The following FANCI variants were observed in gnomAD, a reference collection of about 807,000 sequenced individuals.
FANCI encodes the protein FA complementation group I, also known as Fanconi anemia group I protein.
In FANCI, 156 loss-of-function variants were observed where a neutral mutation model predicts 176.1. The observed-to-expected ratio is 0.89, with a 90% CI of 0.78 to 1.01. The LOEUF (loss-of-function observed/expected upper bound fraction) is 1.01. FANCI is among the 50% of genes least tolerant of loss of function. The probability of loss-of-function intolerance (pLI) is 0.00; values close to 1 mark genes in which losing one functional copy is unlikely to be tolerated. For missense variants in FANCI, 1,678 were observed against 1,534.1 expected (o/e 1.09, Z -1.57); for synonymous variants, 613 against 541.7 (o/e 1.13, Z -1.83).
rs190895557 is a variant in FANCI at position 89,278,879 on chromosome 15, G to C, written c.1381+105G>C. ...AAATTTTAATGAGCATTTAAATGCA[G>C]TATCTTTGATAGGATGCCAATAAAG... On this transcript the variant is annotated intron_variant, in intron 14 of 37. Transcript: ENST00000310775. 1,003 of 810,928 alleles carry C rather than the reference G, an allele frequency of 1.2e-3. 14 individuals carry two copies. The Admixed American group carries it at 0.019, about 15-fold the overall frequency. 50.2% of individuals were successfully genotyped at this position (810,928 alleles called of 1,614,324 possible). A position where few individuals can be genotyped will look rare whatever the true frequency, so the allele number is the denominator to read the frequency against.
At chr15:89,287,153 T>A (rs910442702) in intron 18 of FANCI, among the ~76,000 whole-genome samples, 2 of 152,100 alleles carry the variant, frequency 1.3e-5, no homozygotes, top group Non-Finnish European at 2.9e-5. Context: ...TTTGTATTTT[T>A]AGTAGAGACT....
chr15:89,285,075 AT>A lies in FANCI; in HGVS notation c.1699-19del. 6.2e-7 allele frequency: 1 copy of A among 1,613,870 alleles called. No homozygotes were observed. Among genetic ancestry groups the A allele is most frequent in the Non-Finnish European group, 8.5e-7 (1 of 1,179,852 alleles). On this transcript the variant is annotated intron_variant, in intron 17 of 37. Transcript: ENST00000310775. ...AACAGCTTTGGTAAGATAGACGTGA[AT>A]TGGCCTGTCTTCCTTTCAGGTTCAT... is the stretch of plus-strand genomic sequence containing the variant.
At chr15:89,283,023 CTTCA>C (rs909678767) in intron 16 of FANCI, 109 bp from the exon 17 acceptor site, 15 of 1,031,046 alleles carry the variant, frequency 1.5e-5, no homozygotes, top group Non-Finnish European at 1.7e-5. Context: ...TTGCTCTACG[CTTCA>C]TTGTTTATAC....
chr15:89,302,728 A>T (rs905084468), intron 27 of FANCI, among the ~76,000 whole-genome samples: 1 of 151,872 alleles, frequency 6.6e-6, no homozygotes, highest in Non-Finnish European at 1.5e-5. Flanking sequence ...CGCCTGCCAC[A>T]ACACCCGGCT....
rs1157910630 is a variant in FANCI, at chr15:89,274,599, CTTTTT to C, written c.1112+314_1112+318del. On this transcript the variant is annotated intron_variant, in intron 12 of 37. Transcript: ENST00000310775. ...TCTCTATTTTCCTTTTCTTTCTTTCCTTTTTTTTTTTTTTTTTTTTTTTGAGACAG... is the reference window on the plus strand; with the variant it reads ...TCTCTATTTTCCTTTTCTTTCTTTCCTTTTTTTTTTTTTTTTTTGAGACAG... Among the ~76,000 whole-genome samples the C allele has an allele frequency of 1.2e-3, 96 of 82,830 alleles. No homozygotes were observed. In the Admixed American group the frequency reaches 0.013, roughly 11 times the overall value. 54.3% of individuals were successfully genotyped at this position (82,830 alleles called of 152,430 possible). A position where few individuals can be genotyped will look rare whatever the true frequency, so the allele number is the denominator to read the frequency against.
At position 89,306,156 on chromosome 15, in the gene FANCI, T is replaced by G. The variant is rs61744917; in HGVS notation, c.3499T>G (p.Cys1167Gly). The change falls in exon 32 of 38, where the codon TGC (cysteine) becomes GGC (glycine). Residue 1167 changes from cysteine (C) to glycine (G), a missense_variant. By Grantham distance (159) the Cys-to-Gly change is radical. Coordinates refer to ENST00000310775, the MANE Select transcript of FANCI (RefSeq NM_001113378.2). ...TGTGGACACCTTGTTAAAGGACTTG[T>G]GCAAAATGTACACCACACTTACAGC... ...SCVDTLLKDL[C>G]KMYTTLTALV... is the part of the protein sequence containing the mutation. 7.6e-5 allele frequency: 122 copies of G among 1,614,030 alleles called. No homozygotes were observed. In the African/African-American group the frequency reaches 1.6e-3, roughly 21 times the overall value.
intron 10 of FANCI, 44 bp from the exon 11 acceptor site, chr15:89,273,333 A>G: frequency 2.1e-6 from 2 of 963,192 alleles, no homozygotes; most frequent in Non-Finnish European, 3.3e-6. Flanking sequence ...AAAAGAAAAA[A>G]GAAAATGTAA....
intron 12 of FANCI, among the ~76,000 whole-genome samples, chr15:89,275,435 A>G (rs2053373744): frequency 6.6e-6 from 1 of 152,182 alleles, no homozygotes; most frequent in Non-Finnish European, 1.5e-5. Flanking sequence ...TTACTATGTC[A>G]TGCTTTCACT....
intron 15 of FANCI, 104 bp from the exon 16 acceptor site, chr15:89,281,661 A>G (rs1253949316): frequency 4.8e-6 from 5 of 1,047,950 alleles, no homozygotes; most frequent in Non-Finnish European, 7.5e-6. Context: ...TATAAAACAG[A>G]AGTAAGCTTC....
intron 34 of FANCI, among the ~76,000 whole-genome samples, chr15:89,309,592 G>A (rs138006534): frequency 1.3e-5 from 2 of 152,080 alleles, no homozygotes; most frequent in Admixed American, 6.6e-5. Context: ...TAAGCCAGGT[G>A]TTTGCCTATA....
rs752707646 is a variant in FANCI at position 89,263,982 on chromosome 15, G to C, written c.625G>C (p.Glu209Gln). The C allele has an allele frequency of 9.9e-6, 16 of 1,613,980 alleles. No homozygotes were observed. The highest frequency in any genetic ancestry group is 1.4e-5 in the Non-Finnish European group (16 of 1,179,988). ...CATGTTCTCCAAGATGAATCTTCAAGAAATACCACCTTTGGTCTATCAGCT... is the reference window on the plus strand; with the variant it reads ...CATGTTCTCCAAGATGAATCTTCAACAAATACCACCTTTGGTCTATCAGCT... ...LSMFSKMNLQ[E>Q]IPPLVYQLLV... Residue 209 changes from glutamate (E) to glutamine (Q), a missense_variant, in exon 8 of 38, where the codon GAA becomes CAA. Transcript: ENST00000310775.
intron 17 of FANCI, 131 bp from the exon 18 acceptor site, chr15:89,284,965 G>A: frequency 1.1e-6 from 1 of 942,968 alleles, no homozygotes; most frequent in Non-Finnish European, 1.7e-6. Flanking sequence ...TGATTATACT[G>A]TGTGTCTCAC....
chr15:89,266,125 T>G (rs1452433287), intron 9 of FANCI, among the ~76,000 whole-genome samples: 1 of 150,664 alleles, frequency 6.6e-6, no homozygotes, highest in Non-Finnish European at 1.5e-5. Context: ...GCTTCCCAAG[T>G]AGCTGGGACT....
intron 24 of FANCI, among the ~76,000 whole-genome samples, chr15:89,295,866 G>C (rs7167513): frequency 0.57 from 85,578 of 151,382 alleles, 25,971 homozygotes; most frequent in African/African-American, 0.81. Context: ...CCCTTCCTCC[G>C]AGGTTCAAGC....
At chr15:89,271,066 GT>G (rs2053181288) in intron 10 of FANCI, among the ~76,000 whole-genome samples, 1 of 151,610 alleles carries the variant, frequency 6.6e-6, no homozygotes, top group Non-Finnish European at 1.5e-5. Context: ...TTTTCTTTTT[GT>G]TTTCCATTTG....
chr15:89,289,141 T>G lies in FANCI; in HGVS notation c.1822-1072T>G, dbSNP rs553809581. On this transcript the variant is annotated intron_variant, in intron 18 of 37. Coordinates refer to ENST00000310775, the MANE Select transcript of FANCI (RefSeq NM_001113378.2). ...TTCAGACATCATTGCCTCCTTAATG[T>G]GTACTATGTATCTCTGTATGCCATT... is the stretch of plus-strand genomic sequence containing the variant. 2.6e-5 allele frequency among the ~76,000 whole-genome samples: 4 copies of G among 152,312 alleles called. No homozygotes were observed. In the South Asian group the frequency reaches 8.3e-4, roughly 32 times the overall value.
At chr15:89,305,306 C>T (rs770032557) in intron 29 of FANCI, 35 bp from the exon 30 acceptor site, 1 of 1,614,152 alleles carries the variant, frequency 6.2e-7, no homozygotes, top group Non-Finnish European at 8.5e-7. Context: ...AACAACCTTA[C>T]TGTCATTAGG....
chr15:89,271,477 GT>G (rs1271551653), intron 10 of FANCI, among the ~76,000 whole-genome samples: 1 of 152,122 alleles, frequency 6.6e-6, no homozygotes, highest in African/African-American at 2.4e-5. Context: ...TGTAGCGTAT[GT>G]CAGTATTTCA....
At chr15:89,311,668 T>G (rs1429826147) in intron 34 of FANCI, among the ~76,000 whole-genome samples, 2 of 152,304 alleles carry the variant, frequency 1.3e-5, no homozygotes, top group Non-Finnish European at 2.9e-5. Flanking sequence ...GATTACTGCA[T>G]ACCAGCCCCT....
Sources: gnomAD v4.1 joint callset for allele counts (sites outside exome capture counted in the v4.1 genomes callset) on GRCh38, gnomAD v4.1.1 for gene constraint, MANE v1.5 for transcripts, NCBI Gene and HGNC (gene_info 2026-07-23, HGNC 2026-07-21) for gene names.